THRB: variants seen among roughly 807,000 people sequenced by gnomAD.
The protein encoded by THRB is nuclear receptor subfamily 1 group A member 2.
In THRB, 12 loss-of-function variants were observed where a neutral mutation model predicts 47.8. The ratio of observed to expected loss-of-function variants is 0.25; its 90% CI spans 0.16 to 0.41. The LOEUF (loss-of-function observed/expected upper bound fraction) is 0.41. THRB is among the 10% of genes least tolerant of loss of function. THRB has a pLI of 1.00. For synonymous variants in THRB, 218 were observed against 212.2 expected, an observed-to-expected ratio of 1.03 and a Z score of -0.24; for missense variants, 348 against 589.2, an observed-to-expected ratio of 0.59 and a Z score of 4.24.
At chr3:24,234,306 A>C (rs10454236) in intron 3 of THRB, among the ~76,000 whole-genome samples, 7,465 of 152,278 alleles carry the variant, frequency 0.049, 511 homozygotes, top group East Asian at 0.3. Context: ...CTGCCATATT[A>C]AGCTTTGGCT....
chr3:24,397,573 A>C (rs1403211372), intron 1 of THRB, among the ~76,000 whole-genome samples: 1 of 150,026 alleles, frequency 6.7e-6, no homozygotes, highest in African/African-American at 2.5e-5. Context: ...CCCTGCATGA[A>C]TGCACATCTT....
rs888802482 is a variant in THRB at position 24,475,175 on chromosome 3, AT to A, written c.-261+19476del. Among the ~76,000 whole-genome samples, 3 of 152,276 alleles carry A rather than the reference AT, an allele frequency of 2.0e-5. 1 individual carries two copies. Among genetic ancestry groups the A allele is most frequent in the Middle Eastern group, 6.8e-3 (2 of 294 alleles). Reference sequence around the variant, plus strand: ...TGAGAGTCTGAAATATGATGTAAGGATTTTTTTCAAGTGAGCAAAAAATTGC... The same window carrying A: ...TGAGAGTCTGAAATATGATGTAAGGATTTTTTCAAGTGAGCAAAAAATTGC... On this transcript the variant is annotated intron_variant, in intron 1 of 10. Coordinates refer to ENST00000646209, the MANE Select transcript of THRB (RefSeq NM_001354712.2).
intron 1 of THRB, among the ~76,000 whole-genome samples, chr3:24,456,755 C>G (rs557107788): frequency 2.0e-5 from 3 of 151,704 alleles, no homozygotes; most frequent in African/African-American, 7.3e-5. Context: ...AGATAGTATA[C>G]AATATCTTAT....
chr3:24,370,183 C>T (rs980031228), intron 1 of THRB, among the ~76,000 whole-genome samples: 2 of 152,074 alleles, frequency 1.3e-5, no homozygotes, highest in African/African-American at 2.4e-5. Flanking sequence ...AGTCAGCTGA[C>T]ATTTTTGTCC....
chr3:24,466,226 C>G (rs941090387), intron 1 of THRB, among the ~76,000 whole-genome samples: 1 of 152,050 alleles, frequency 6.6e-6, no homozygotes, highest in Non-Finnish European at 1.5e-5. Context: ...GCTGCCAAAA[C>G]TAGTCATTTG....
chr3:24,315,721 A>G (rs1467471911), intron 2 of THRB, among the ~76,000 whole-genome samples: 2 of 152,216 alleles, frequency 1.3e-5, no homozygotes, highest in Non-Finnish European at 2.9e-5. Context: ...ATACCCTGTT[A>G]CGATTAGAAC....
At chr3:24,281,343 C>T (rs1325960134) in intron 3 of THRB, among the ~76,000 whole-genome samples, 1 of 151,056 alleles carries the variant, frequency 6.6e-6, no homozygotes, top group African/African-American at 2.4e-5. Context: ...AACTAAGCTT[C>T]ATAAGTGAAG....
chr3:24,348,594 C>T (rs2063171119), intron 1 of THRB: 1 of 152,170 alleles, frequency 6.6e-6, no homozygotes, highest in East Asian at 1.9e-4. Context: ...GCACGATGTG[C>T]TGTGCTTTCC....
At chr3:24,412,677 T>C (rs2068407667) in intron 1 of THRB, among the ~76,000 whole-genome samples, 2 of 151,828 alleles carry the variant, frequency 1.3e-5, no homozygotes, top group South Asian at 2.1e-4. Context: ...AAAAGGGATA[T>C]TTACATTTGT....
intron 3 of THRB, among the ~76,000 whole-genome samples, chr3:24,253,340 G>C (rs1002006281): frequency 1.3e-5 from 2 of 152,158 alleles, no homozygotes; most frequent in African/African-American, 4.8e-5. Flanking sequence ...TCATTCAACA[G>C]ATAGGCATCA....
chr3:24,244,119 T>C (rs146648637), intron 3 of THRB, among the ~76,000 whole-genome samples: 1,630 of 152,198 alleles, frequency 0.011, 20 homozygotes, highest in African/African-American at 0.038. Context: ...TGACTGCTCA[T>C]GGATACAAGG....
At chr3:24,354,009 G>A (rs966961008) in intron 1 of THRB, among the ~76,000 whole-genome samples, 1 of 151,994 alleles carries the variant, frequency 6.6e-6, no homozygotes, top group Non-Finnish European at 1.5e-5. Flanking sequence ...TATTCCATGG[G>A]GTATATGTGC....
chr3:24,383,524 C>G (rs965890168), intron 1 of THRB, among the ~76,000 whole-genome samples: 3 of 152,066 alleles, frequency 2.0e-5, no homozygotes, highest in African/African-American at 7.2e-5. Context: ...CTACTACTTT[C>G]TTGTTGATGA....
intron 1 of THRB, among the ~76,000 whole-genome samples, chr3:24,341,705 G>T (rs546356910): frequency 6.6e-6 from 1 of 152,192 alleles, no homozygotes; most frequent in South Asian, 2.1e-4. Flanking sequence ...ACTTGCTTTG[G>T]TCAATGGAAT....
intron 1 of THRB, among the ~76,000 whole-genome samples, chr3:24,441,234 T>C (rs1286044775): frequency 6.6e-6 from 1 of 152,180 alleles, no homozygotes; most frequent in Non-Finnish European, 1.5e-5. Flanking sequence ...TCTGCTAAAA[T>C]GGAGTCCTAT....
chr3:24,403,334 G>A (rs915233689), intron 1 of THRB, among the ~76,000 whole-genome samples: 3 of 151,940 alleles, frequency 2.0e-5, no homozygotes, highest in Non-Finnish European at 2.9e-5. Context: ...AGATGTAGGA[G>A]TTTTAGCTGG....
intron 1 of THRB, among the ~76,000 whole-genome samples, chr3:24,450,827 G>A (rs1206131378): frequency 2.0e-5 from 3 of 152,148 alleles, no homozygotes; most frequent in Non-Finnish European, 4.4e-5. Context: ...CCACTGACAT[G>A]CAGTCAGTGT....
chr3:24,469,325 T>G (rs901571869), intron 1 of THRB, among the ~76,000 whole-genome samples: 1 of 152,300 alleles, frequency 6.6e-6, no homozygotes, highest in East Asian at 1.9e-4. Context: ...AGTTATTAAT[T>G]AATTCTTAAG....
intron 1 of THRB, among the ~76,000 whole-genome samples, chr3:24,375,358 ATATAT>A (rs1340321071): frequency 2.1e-5 from 3 of 139,804 alleles, no homozygotes; most frequent in South Asian, 4.4e-4. Context: ...TATAATATTA[ATATAT>A]TATATTTAGA....
Sources: gnomAD v4.1 joint callset for allele counts (sites outside exome capture counted in the v4.1 genomes callset) on GRCh38, gnomAD v4.1.1 for gene constraint, MANE v1.5 for transcripts, NCBI Gene and HGNC (gene_info 2026-07-23, HGNC 2026-07-21) for gene names.